Variants in LCOR observed in about 807,000 individuals in gnomAD.
LCOR encodes ligand-dependent corepressor.
LCOR carries 14 observed loss-of-function variants against 64.4 expected under a neutral mutation model. The ratio of observed to expected loss-of-function variants is 0.22; its 90% CI spans 0.14 to 0.34. The LOEUF is 0.34. Ranked by LOEUF, LCOR falls within the 10% of genes least tolerant of loss-of-function variation. The pLI, the probability that LCOR is intolerant of heterozygous loss-of-function variation, is 1.00. For missense variants in LCOR, 1,686 were observed against 1,765.3 expected (o/e 0.96, Z 0.80); for synonymous variants, 643 against 642.5 (o/e 1.00, Z -0.01).
intron 2 of LCOR, among the ~76,000 whole-genome samples, chr10:96,845,825 C>A (rs1286201586): frequency 1.3e-5 from 2 of 151,802 alleles, no homozygotes; most frequent in African/African-American, 4.8e-5. Flanking sequence ...ATCAAGAAGT[C>A]CATAATCTTT....
At chr10:96,880,274 A>T (rs562416833) in intron 2 of LCOR, among the ~76,000 whole-genome samples, 1 of 152,230 alleles carries the variant, frequency 6.6e-6, no homozygotes, top group Admixed American at 6.5e-5. Context: ...AGTGTTTTAT[A>T]TCATTGGTTT....
At chr10:96,941,188 G>C (rs1589670750) in intron 4 of LCOR, among the ~76,000 whole-genome samples, 3 of 140,050 alleles carry the variant, frequency 2.1e-5, no homozygotes, top group Non-Finnish European at 3.1e-5. Flanking sequence ...CAGGCGGGGG[G>C]CTGACCCCCC....
rs59098946 is a variant in LCOR, at chr10:96,897,866, CTTTTTTTTTT to C, written c.-329-9388_-329-9379del. The stretch of plus-strand genomic sequence containing the variant: ...TAGTTGAGCTGGAGCAGAAAGCCAT[CTTTTTTTTTT>C]TTTTTTTTTTGTTTGGTCAGATATC... On this transcript the variant is annotated intron_variant, in intron 2 of 7. Coordinates refer to ENST00000421806, the MANE Select transcript of LCOR (RefSeq NM_001346516.2). Among the ~76,000 whole-genome samples the C allele has an allele frequency of 7.7e-4, 90 of 116,274 alleles. 1 individual carries two copies. The highest frequency in any genetic ancestry group is 2.7e-3 in the African/African-American group (87 of 32,232). 76.3% of individuals were successfully genotyped at this position (116,274 alleles called of 152,430 possible). A position where few individuals can be genotyped will look rare whatever the true frequency, so the allele number is the denominator to read the frequency against.
intron 7 of LCOR, chr10:96,955,733 T>G (rs1206250214): frequency 1.9e-6 from 3 of 1,614,050 alleles, no homozygotes; most frequent in Non-Finnish European, 2.5e-6. Flanking sequence ...TTTCCAAAGC[T>G]CAGAGTATTT....
intron 7 of LCOR, among the ~76,000 whole-genome samples, chr10:96,975,306 G>C (rs1848029139): frequency 6.6e-6 from 1 of 152,162 alleles, no homozygotes; most frequent in Admixed American, 6.5e-5. Flanking sequence ...TTATAACAGG[G>C]CCTTTTAATG....
At chr10:96,929,293 A>G (rs1847218054) in intron 4 of LCOR, among the ~76,000 whole-genome samples, 1 of 152,346 alleles carries the variant, frequency 6.6e-6, no homozygotes, top group Non-Finnish European at 1.5e-5. Context: ...TTGTGTAGCC[A>G]CCTTCATCAG....
At chr10:96,857,284 T>A (rs1341366210) in intron 2 of LCOR, among the ~76,000 whole-genome samples, 2 of 152,114 alleles carry the variant, frequency 1.3e-5, no homozygotes, top group African/African-American at 4.8e-5. Flanking sequence ...AGAACAGACA[T>A]CCATTCCCAA....
At chr10:96,938,290 A>C (rs529358712) in intron 4 of LCOR, among the ~76,000 whole-genome samples, 1 of 152,240 alleles carries the variant, frequency 6.6e-6, no homozygotes, top group South Asian at 2.1e-4. Flanking sequence ...GTGTTAATAG[A>C]GTAAGTGACA....
In LCOR at chr10:96,986,575, A is replaced by G. The variant is rs978825384; in HGVS notation, c.*1441A>G. The G allele has an allele frequency of 5.3e-5, 8 of 152,252 alleles. No individual in the cohort carries two copies. Among genetic ancestry groups the G allele is most frequent in the East Asian group, 1.9e-4 (1 of 5,194 alleles). 9.4% of individuals were successfully genotyped at this position (152,252 alleles called of 1,614,324 possible). On this transcript the variant is annotated 3_prime_UTR_variant, in exon 8 of 8. Coordinates refer to ENST00000421806, the MANE Select transcript of LCOR (RefSeq NM_001346516.2). Reference sequence around the variant, plus strand: ...CCGTGTCTCAGAAGTGAGAGCCACAATGTTTTAATGACTTTGTTTGCCTTT... The same window carrying G: ...CCGTGTCTCAGAAGTGAGAGCCACAGTGTTTTAATGACTTTGTTTGCCTTT...
intron 2 of LCOR, among the ~76,000 whole-genome samples, chr10:96,869,159 G>C (rs916506409): frequency 6.6e-6 from 1 of 152,066 alleles, no homozygotes; most frequent in Non-Finnish European, 1.5e-5. Context: ...CCCCCGCTTC[G>C]GCCTCCCAAA....
chr10:96,981,939 T>C lies in LCOR; in HGVS notation c.1479T>C (p.Ser493=). The change falls in exon 8 of 8, where the codon TCT becomes TCC. Residue 493 remains serine, a synonymous_variant. Transcript: ENST00000421806. ...AGAATCAAAAATCAATATTATCTTC[T>C]CGGAAAACAGCCAGAAAGAGTACTC... ...HFENQKSILS[S]RKTARKSTRG... is the part of the protein sequence containing the mutation. 1 of 1,614,176 alleles carries C rather than the reference T, an allele frequency of 6.2e-7. No individual in the cohort carries two copies. The highest frequency in any genetic ancestry group is 1.1e-5 in the South Asian group (1 of 91,082).
chr10:96,865,380 G>A (rs1018804629), intron 2 of LCOR, among the ~76,000 whole-genome samples: 6 of 152,126 alleles, frequency 3.9e-5, no homozygotes, highest in African/African-American at 1.4e-4. Flanking sequence ...AGATATTTCT[G>A]TAAATCCATA....
chr10:96,888,038 T>A (rs1846373838), intron 2 of LCOR, among the ~76,000 whole-genome samples: 2 of 151,896 alleles, frequency 1.3e-5, no homozygotes, highest in Admixed American at 1.3e-4. Flanking sequence ...CTGTGGTTAT[T>A]CAGATTTCAG....
intron 7 of LCOR, chr10:96,961,879 T>C (rs992968651): frequency 6.6e-6 from 1 of 151,982 alleles, no homozygotes; most frequent in African/African-American, 2.4e-5. Context: ...TTTTTTTTTT[T>C]CATCCAGGTG....
rs776628659 is a variant in LCOR, at chr10:96,984,382, C to T, written c.3922C>T (p.Arg1308Trp). The part of the protein sequence containing the change: ...PANLPTPAST[R>W]ILRKYSNIRG... ...AAACCTGCCCACTCCAGCCAGTACC[C>T]GGATTCTTAGAAAATATTCCAATAT... is the stretch of plus-strand genomic sequence containing the variant. Residue 1308 changes from arginine (R) to tryptophan (W), a missense_variant, in exon 8 of 8, where the codon CGG becomes TGG. Physicochemically the swap from Arg to Trp is moderately radical, Grantham distance 101 (BLOSUM62 -3). Transcript: ENST00000421806. 21 of 1,614,050 alleles carry T rather than the reference C, an allele frequency of 1.3e-5. No individual in the cohort carries two copies. Among genetic ancestry groups the T allele is most frequent in the African/African-American group, 4.0e-5 (3 of 74,920 alleles).
intron 2 of LCOR, among the ~76,000 whole-genome samples, chr10:96,888,363 CAAAAAAAAAA>C (rs61076542): frequency 0.018 from 563 of 30,554 alleles, 11 homozygotes; most frequent in African/African-American, 0.081. Context: ...GACTCCGTCT[CAAAAAAAAAA>C]AAAAAAAAAA....
chr10:96,868,110 C>G (rs1468514415), intron 2 of LCOR, among the ~76,000 whole-genome samples: 2 of 151,082 alleles, frequency 1.3e-5, no homozygotes, highest in Non-Finnish European at 2.9e-5. Context: ...TCTCGAACTC[C>G]CGACCTCAGG....
At chr10:96,939,090 C>T (rs1006682476) in intron 4 of LCOR, among the ~76,000 whole-genome samples, 1 of 152,196 alleles carries the variant, frequency 6.6e-6, no homozygotes, top group Non-Finnish European at 1.5e-5. Flanking sequence ...GGAGGATTTA[C>T]ACTTTACCAA....
intron 2 of LCOR, among the ~76,000 whole-genome samples, chr10:96,870,609 C>T (rs1846057354): frequency 6.6e-6 from 1 of 152,146 alleles, no homozygotes; most frequent in African/African-American, 2.4e-5. Flanking sequence ...ATTACGTCAT[C>T]CTCGAATATT....
Sources: gnomAD v4.1 joint callset for allele counts (sites outside exome capture counted in the v4.1 genomes callset) on GRCh38, gnomAD v4.1.1 for gene constraint, MANE v1.5 for transcripts, NCBI Gene and HGNC (gene_info 2026-07-23, HGNC 2026-07-21) for gene names.